B3GALT1: variants seen among roughly 807,000 people sequenced by gnomAD.
B3GALT1 encodes the protein beta-1,3-galactosyltransferase 1.
In B3GALT1, 10 loss-of-function variants were observed where a neutral mutation model predicts 23.2. The ratio of observed to expected loss-of-function variants is 0.43; its 90% CI spans 0.27 to 0.73. The LOEUF (loss-of-function observed/expected upper bound fraction) is 0.73. Among genes scored for constraint, B3GALT1 ranks in the 30% least tolerant of loss-of-function variants. The pLI, the probability that B3GALT1 is intolerant of heterozygous loss-of-function variation, is 0.21. For missense variants in B3GALT1, 299 were observed against 405.4 expected (o/e 0.74, Z 2.25); for synonymous variants, 156 against 141.5 (o/e 1.10, Z -0.73).
At chr2:167,475,565 A>G (rs780102671) in intron 1 of B3GALT1, among the ~76,000 whole-genome samples, 9 of 152,078 alleles carry the variant, frequency 5.9e-5, no homozygotes, top group Non-Finnish European at 1.0e-4. Flanking sequence ...TTTGCTGTCG[A>G]ACTTCAACTA....
intron 2 of B3GALT1, among the ~76,000 whole-genome samples, chr2:167,502,448 A>G (rs1699860844): frequency 6.6e-6 from 1 of 152,212 alleles, no homozygotes; most frequent in Non-Finnish European, 1.5e-5. Flanking sequence ...ACATTGTTAG[A>G]AAGAACTACC....
intron 2 of B3GALT1, among the ~76,000 whole-genome samples, chr2:167,594,005 A>C (rs1015575117): frequency 4.6e-5 from 7 of 152,252 alleles, no homozygotes; most frequent in African/African-American, 1.7e-4. Context: ...CAAATTCTGT[A>C]CTTACTTTGC....
At chr2:167,693,854 T>G (rs919833595) in intron 3 of B3GALT1, among the ~76,000 whole-genome samples, 1 of 152,154 alleles carries the variant, frequency 6.6e-6, no homozygotes, top group African/African-American at 2.4e-5. Flanking sequence ...TGCTGTATAA[T>G]AGACCACCCC....
chr2:167,313,930 GTATGTCTTC>G (rs1189389758), intron 1 of B3GALT1, among the ~76,000 whole-genome samples: 1 of 152,100 alleles, frequency 6.6e-6, no homozygotes, highest in Non-Finnish European at 1.5e-5. Flanking sequence ...TATGTTAAGA[GTATGTCTTC>G]CCACTCTGCA....
chr2:167,418,114 G>C (rs1559090476), intron 1 of B3GALT1, among the ~76,000 whole-genome samples: 1 of 152,176 alleles, frequency 6.6e-6, no homozygotes, highest in South Asian at 2.1e-4. Context: ...TCATGGCCAT[G>C]TTATGCTCCT....
chr2:167,354,959 C>A (rs192468754), intron 1 of B3GALT1, among the ~76,000 whole-genome samples: 59 of 152,292 alleles, frequency 3.9e-4, no homozygotes, highest in Non-Finnish European at 6.6e-4. Flanking sequence ...TAGACTGACA[C>A]CATGTTTTGC....
intron 3 of B3GALT1, among the ~76,000 whole-genome samples, chr2:167,787,597 C>T (rs1239463004): frequency 6.6e-6 from 1 of 152,246 alleles, no homozygotes; most frequent in Non-Finnish European, 1.5e-5. Context: ...GACTCACCAT[C>T]ACATTTTCAA....
chr2:167,533,572 T>C (rs1683367827), intron 2 of B3GALT1, among the ~76,000 whole-genome samples: 1 of 152,172 alleles, frequency 6.6e-6, no homozygotes. Context: ...GCTATGAAAT[T>C]ATGTGTCCCT....
At chr2:167,491,115 CT>C (rs974370358) in intron 2 of B3GALT1, among the ~76,000 whole-genome samples, 3 of 152,090 alleles carry the variant, frequency 2.0e-5, no homozygotes, top group African/African-American at 7.2e-5. Flanking sequence ...TAGGTGTGTA[CT>C]TTTAGGCCTC....
At chr2:167,840,744 C>G (rs1163755812) in intron 4 of B3GALT1, among the ~76,000 whole-genome samples, 1 of 150,536 alleles carries the variant, frequency 6.6e-6, no homozygotes, top group Non-Finnish European at 1.5e-5. Context: ...TATTGCGGCA[C>G]TATTCACAAT....
intron 3 of B3GALT1, among the ~76,000 whole-genome samples, chr2:167,707,224 A>G (rs902092481): frequency 4.6e-5 from 7 of 152,200 alleles, no homozygotes; most frequent in Middle Eastern, 6.8e-3. Context: ...TGAGACAAAC[A>G]CCCCTATTGA....
chr2:167,598,282 TAC>T (rs1210206761), intron 2 of B3GALT1, among the ~76,000 whole-genome samples: 5 of 152,230 alleles, frequency 3.3e-5, no homozygotes, highest in African/African-American at 1.2e-4. Flanking sequence ...GAGTGACATG[TAC>T]ACATACATAC....
chr2:167,472,879 A>G (rs1231113689), intron 1 of B3GALT1, among the ~76,000 whole-genome samples: 1 of 152,138 alleles, frequency 6.6e-6, no homozygotes, highest in African/African-American at 2.4e-5. Flanking sequence ...TTTATGACAA[A>G]TTATCATATA....
chr2:167,803,621 T>C (rs1227403674), intron 3 of B3GALT1, among the ~76,000 whole-genome samples: 9 of 152,154 alleles, frequency 5.9e-5, no homozygotes, highest in African/African-American at 2.2e-4. Flanking sequence ...GACAGGGTCT[T>C]GTATGTAGCA....
intron 2 of B3GALT1, among the ~76,000 whole-genome samples, chr2:167,577,586 A>G (rs1261369304): frequency 6.6e-6 from 1 of 151,896 alleles, no homozygotes; most frequent in Non-Finnish European, 1.5e-5. Context: ...CCCATGCTGC[A>G]TGGATTCATA....
chr2:167,635,250 A>C (rs1051512795), intron 2 of B3GALT1, among the ~76,000 whole-genome samples: 1 of 152,164 alleles, frequency 6.6e-6, no homozygotes, highest in Admixed American at 6.6e-5. Context: ...ATCATACTGA[A>C]TGCGCAAAAG....
chr2:167,558,196 T>C (rs1683889485), intron 2 of B3GALT1: 1 of 152,236 alleles, frequency 6.6e-6, no homozygotes, highest in East Asian at 1.9e-4. Context: ...TCAGAAAAAC[T>C]ACCTTTAAAG....
chr2:167,485,720 G>T (rs554549559), intron 1 of B3GALT1, among the ~76,000 whole-genome samples: 32 of 152,288 alleles, frequency 2.1e-4, no homozygotes, highest in African/African-American at 7.7e-4. Flanking sequence ...CTATGCATAT[G>T]CATTAAAGAT....
At chr2:167,547,180 A>T (rs536426133) in intron 2 of B3GALT1, among the ~76,000 whole-genome samples, 16 of 152,276 alleles carry the variant, frequency 1.1e-4, no homozygotes, top group African/African-American at 3.4e-4. Flanking sequence ...TGCTACTACT[A>T]AAACCTTCCA....
Sources: allele counts gnomAD v4.1 joint callset (sites outside exome capture counted in the v4.1 genomes callset), GRCh38; gene constraint gnomAD v4.1.1; transcripts MANE v1.5; gene names NCBI Gene and HGNC (gene_info 2026-07-23, HGNC 2026-07-21).